The following IL36B variants were observed in gnomAD, a reference collection of about 807,000 sequenced individuals.
IL36B encodes interleukin 36 beta, also known as interleukin-36 beta.
IL36B carries 23 observed loss-of-function variants against 19.3 expected under a neutral mutation model. The ratio of observed to expected loss-of-function variants is 1.19; its 90% CI spans 0.86 to 1.69. The LOEUF (loss-of-function observed/expected upper bound fraction) is 1.69. IL36B is among the 40% of genes most tolerant of loss of function. The pLI, the probability that IL36B is intolerant of heterozygous loss-of-function variation, is 0.00. For synonymous variants in IL36B, 59 were observed against 59.7 expected (o/e 0.99, Z 0.05); for missense variants, 217 against 200.5 (o/e 1.08, Z -0.50).
intron 1 of IL36B, among the ~76,000 whole-genome samples, chr2:113,050,846 G>T (rs1047905266): frequency 1.3e-5 from 2 of 152,198 alleles, no homozygotes; most frequent in East Asian, 3.9e-4. Flanking sequence ...CCCTTGCCTC[G>T]TCTAGTCCTG....
At chr2:113,041,568 A>G (rs1351337928) in intron 1 of IL36B, among the ~76,000 whole-genome samples, 2 of 62,312 alleles carry the variant, frequency 3.2e-5, no homozygotes, top group Non-Finnish European at 5.0e-5. Flanking sequence ...AGAAAGAAAT[A>G]ACCATGAAAG....
Position 113,024,054 on chromosome 2 carries a change from G to A in IL36B, c.392-1277C>T, listed in dbSNP as rs1684909212. 2.6e-5 allele frequency among the ~76,000 whole-genome samples: 4 copies of A among 152,260 alleles called. No individual in the cohort carries two copies. In the South Asian group the frequency reaches 8.3e-4, roughly 32 times the overall value. ...TGGAAATTGAAGAGAAAGATGGGTGGAAGCATGTAGGGATCTCTGAAATGG... is the reference window on the plus strand; with the variant it reads ...TGGAAATTGAAGAGAAAGATGGGTGAAAGCATGTAGGGATCTCTGAAATGG... On this transcript the variant is annotated intron_variant, in intron 5 of 5. Coordinates refer to ENST00000259213, the MANE Select transcript of IL36B (RefSeq NM_014438.5).
intron 1 of IL36B, among the ~76,000 whole-genome samples, chr2:113,036,589 C>T (rs1685170891): frequency 6.6e-6 from 1 of 152,156 alleles, no homozygotes; most frequent in Non-Finnish European, 1.5e-5. Context: ...GTGACAAAGT[C>T]AGTAATGAGC....
In IL36B at chr2:113,031,906, A is replaced by G. The variant is rs79409587; in HGVS notation, c.-57-140T>C. 1,748 of 571,564 alleles carry G rather than the reference A, an allele frequency of 3.1e-3. 23 individuals are homozygous for G. The highest frequency in any genetic ancestry group is 0.03 in the African/African-American group (1,575 of 53,002). 35.4% of individuals were successfully genotyped at this position (571,564 alleles called of 1,614,324 possible). On this transcript the variant is annotated intron_variant, in intron 1 of 5. Coordinates refer to ENST00000259213, the MANE Select transcript of IL36B (RefSeq NM_014438.5). ...TCTCCTAGATGCATATTTGAGAATA[A>G]GGATGGGTACAGGACATTTCAAGGC...
chr2:113,045,817 T>C (rs1292923772), intron 1 of IL36B, among the ~76,000 whole-genome samples: 1 of 152,212 alleles, frequency 6.6e-6, no homozygotes, highest in Non-Finnish European at 1.5e-5. Flanking sequence ...GAGTCTGTTT[T>C]AAGCTCTTTC....
intron 1 of IL36B, among the ~76,000 whole-genome samples, chr2:113,044,403 C>T (rs1032954929): frequency 2.0e-5 from 3 of 151,818 alleles, no homozygotes; most frequent in Admixed American, 6.6e-5. Context: ...AGTGATCCTA[C>T]CACCTCAGCT....
chr2:113,046,975 T>C (rs34687555), intron 1 of IL36B, among the ~76,000 whole-genome samples: 9,808 of 152,272 alleles, frequency 0.064, 837 homozygotes, highest in East Asian at 0.22. Flanking sequence ...ATAAATAATT[T>C]GGAATTATTT....
intron 4 of IL36B, chr2:113,026,300 T>C (rs767600659): frequency 1.9e-6 from 3 of 1,599,202 alleles, no homozygotes; most frequent in African/African-American, 2.7e-5. Context: ...TCAAAGTTGG[T>C]TGCACGGCAA....
At chr2:113,031,596 T>C (rs1241160945) in intron 2 of IL36B, 101 bp downstream of exon 2, 13 of 1,045,848 alleles carry the variant, frequency 1.2e-5, no homozygotes, top group Non-Finnish European at 1.9e-5. Context: ...CAAGAGCAAA[T>C]ACATTTATAG....
At chr2:113,049,395 A>C (rs1302303079) in intron 1 of IL36B, among the ~76,000 whole-genome samples, 1 of 152,240 alleles carries the variant, frequency 6.6e-6, no homozygotes, top group Admixed American at 6.5e-5. Context: ...AAGTCATATA[A>C]GGGGTTGACA....
intron 1 of IL36B, among the ~76,000 whole-genome samples, chr2:113,050,621 C>A (rs1685426311): frequency 1.3e-5 from 2 of 152,082 alleles, no homozygotes; most frequent in Non-Finnish European, 2.9e-5. Flanking sequence ...TTATGTATAT[C>A]TTACCACATT....
chr2:113,025,749 CA>C (rs1229554121), intron 5 of IL36B, among the ~76,000 whole-genome samples: 2 of 152,132 alleles, frequency 1.3e-5, no homozygotes, highest in African/African-American at 4.8e-5. Context: ...GAGATGTGTG[CA>C]AAGGCATGAG....
intron 1 of IL36B, among the ~76,000 whole-genome samples, chr2:113,042,520 A>T (rs1337225250): frequency 2.6e-5 from 4 of 152,108 alleles, no homozygotes; most frequent in Admixed American, 6.5e-5. Context: ...GAATCTACAG[A>T]TCTGCTTTCT....
intron 1 of IL36B, among the ~76,000 whole-genome samples, chr2:113,046,215 T>A (rs1558837390): frequency 4.4e-5 from 1 of 22,532 alleles, no homozygotes; most frequent in African/African-American, 1.3e-4. Context: ...TTTCTTTTTT[T>A]TTTTTTTTTT....
chr2:113,040,644 T>C (rs372925295), intron 1 of IL36B, among the ~76,000 whole-genome samples: 23 of 152,224 alleles, frequency 1.5e-4, no homozygotes, highest in South Asian at 1.0e-3. Flanking sequence ...TTACATAGCA[T>C]CAAAAACTTC....
At chr2:113,043,318 G>A (rs10183799) in intron 1 of IL36B, among the ~76,000 whole-genome samples, 9,188 of 152,056 alleles carry the variant, frequency 0.06, 668 homozygotes, top group African/African-American at 0.18. Context: ...AAAATCATAC[G>A]TACCATAATT....
chr2:113,050,876 G>A (rs563868432), intron 1 of IL36B, among the ~76,000 whole-genome samples: 19 of 152,314 alleles, frequency 1.2e-4, no homozygotes, highest in African/African-American at 3.6e-4. Context: ...CTCGCTACTC[G>A]GGTGAGGGCT....
intron 1 of IL36B, among the ~76,000 whole-genome samples, chr2:113,038,635 G>T (rs1685198168): frequency 6.6e-6 from 1 of 152,190 alleles, no homozygotes. Flanking sequence ...ACACTGAGGA[G>T]GTTGGTTAAT....
intron 1 of IL36B, 77 bp from the exon 2 acceptor site, chr2:113,031,843 A>G (rs1262765376): frequency 2.8e-6 from 2 of 726,954 alleles, no homozygotes; most frequent in South Asian, 1.7e-5. Context: ...CTAAAATTTT[A>G]CTGTAAAAAT....
Sources: gnomAD v4.1 joint callset for allele counts (sites outside exome capture counted in the v4.1 genomes callset) on GRCh38, gnomAD v4.1.1 for gene constraint, MANE v1.5 for transcripts, NCBI Gene and HGNC (gene_info 2026-07-23, HGNC 2026-07-21) for gene names.